DLG2: variants seen among roughly 807,000 people sequenced by gnomAD.
The protein encoded by DLG2 is disks large homolog 2.
DLG2 carries 45 observed loss-of-function variants against 132.5 expected under a neutral mutation model. That is an observed-to-expected ratio of 0.34 (90% CI 0.27 to 0.44). The LOEUF (loss-of-function observed/expected upper bound fraction) is 0.44. DLG2 is among the 20% of genes least tolerant of loss of function. DLG2 has a pLI of 1.00. For missense variants in DLG2, 1,045 were observed against 1,196.9 expected, an observed-to-expected ratio of 0.87 and a Z score of 1.87; for synonymous variants, 424 against 419.6, an observed-to-expected ratio of 1.01 and a Z score of -0.13.
At chr11:85,157,300 C>A (rs925451154) in intron 4 of DLG2, among the ~76,000 whole-genome samples, 1 of 151,996 alleles carries the variant, frequency 6.6e-6, no homozygotes, top group Non-Finnish European at 1.5e-5. Context: ...TCTAGAGGGA[C>A]AGAATATTAA....
intron 3 of DLG2, among the ~76,000 whole-genome samples, chr11:85,326,273 G>T (rs1321929663): frequency 3.5e-5 from 5 of 143,576 alleles, no homozygotes; most frequent in Non-Finnish European, 6.0e-5. Flanking sequence ...TACAGAGAAC[G>T]CCACAAAGAT....
intron 10 of DLG2, among the ~76,000 whole-genome samples, chr11:84,078,440 G>A (rs2096857585): frequency 6.6e-6 from 1 of 152,134 alleles, no homozygotes; most frequent in Non-Finnish European, 1.5e-5. Context: ...TAGAGTCACC[G>A]ACTTTCTCAT....
intron 7 of DLG2, among the ~76,000 whole-genome samples, chr11:84,363,292 G>A (rs2098661813): frequency 6.6e-6 from 1 of 151,650 alleles, no homozygotes. Context: ...GTGTTTTTTG[G>A]CTGCATAAAT....
intron 3 of DLG2, among the ~76,000 whole-genome samples, chr11:85,576,571 T>C (rs1223733634): frequency 6.6e-6 from 1 of 152,148 alleles, no homozygotes; most frequent in Non-Finnish European, 1.5e-5. Context: ...ACAAAGCAAC[T>C]GTTAACGTAC....
intron 9 of DLG2, among the ~76,000 whole-genome samples, chr11:84,143,168 C>T (rs1005775435): frequency 1.7e-5 from 2 of 114,542 alleles, no homozygotes; most frequent in African/African-American, 5.3e-5. Context: ...AAATATGATG[C>T]TCATTTTTTA....
intron 6 of DLG2, among the ~76,000 whole-genome samples, chr11:84,841,063 C>G (rs1286695820): frequency 6.7e-6 from 1 of 150,160 alleles, no homozygotes; most frequent in Admixed American, 6.6e-5. Flanking sequence ...TTTATTGCCA[C>G]ACTATGCAGC....
At chr11:83,991,814 C>T (rs2093730840) in intron 11 of DLG2, among the ~76,000 whole-genome samples, 1 of 152,128 alleles carries the variant, frequency 6.6e-6, no homozygotes, top group African/African-American at 2.4e-5. Flanking sequence ...GAAAGATGTG[C>T]TGAAGTTCTA....
chr11:84,822,117 A>T (rs1256950789), intron 6 of DLG2, among the ~76,000 whole-genome samples: 1 of 151,852 alleles, frequency 6.6e-6, no homozygotes, highest in Non-Finnish European at 1.5e-5. Flanking sequence ...GATACGGCCC[A>T]TAAGTGGCAA....
At chr11:84,903,654 C>T (rs1287074968) in intron 6 of DLG2, among the ~76,000 whole-genome samples, 1 of 152,108 alleles carries the variant, frequency 6.6e-6, no homozygotes, top group Non-Finnish European at 1.5e-5. Flanking sequence ...AAGCTAGAGT[C>T]AAGTTGCTGA....
intron 3 of DLG2, among the ~76,000 whole-genome samples, chr11:85,538,262 G>T (rs190388340): frequency 6.6e-6 from 1 of 151,934 alleles, no homozygotes; most frequent in African/African-American, 2.4e-5. Flanking sequence ...ACCTAGAAAC[G>T]TTACTGTAAC....
intron 7 of DLG2, among the ~76,000 whole-genome samples, chr11:84,376,640 AT>A (rs1402092877): frequency 1.3e-5 from 2 of 151,834 alleles, no homozygotes; most frequent in African/African-American, 2.4e-5. Context: ...TTTATTTTTG[AT>A]TTATAATCCT....
intron 7 of DLG2, among the ~76,000 whole-genome samples, chr11:84,514,655 A>C (rs1291540204): frequency 6.6e-6 from 1 of 151,670 alleles, no homozygotes; most frequent in Non-Finnish European, 1.5e-5. Flanking sequence ...AGCCTGAGAA[A>C]GGTAGTTGGG....
rs553880702 is a variant in DLG2, at chr11:83,554,715, T to C, written c.1941-12857A>G. The stretch of plus-strand genomic sequence containing the variant: ...GGAGCTTGGAGCAGAAGATGTTCCA[T>C]TGGGCTGGACTGACTGGGCAATGGG... On this transcript the variant is annotated intron_variant, in intron 19 of 27. Coordinates refer to ENST00000376104, the MANE Select transcript of DLG2 (RefSeq NM_001142699.3). Among the ~76,000 whole-genome samples, 11 of 152,310 alleles carry C rather than the reference T, an allele frequency of 7.2e-5. 1 individual carries two copies. Among genetic ancestry groups the C allele is most frequent in the East Asian group, 1.9e-4 (1 of 5,184 alleles).
intron 19 of DLG2, among the ~76,000 whole-genome samples, chr11:83,627,703 A>G (rs1014895519): frequency 1.3e-5 from 2 of 152,186 alleles, no homozygotes; most frequent in African/African-American, 4.8e-5. Context: ...TAGCAGCATG[A>G]TTTATAATCC....
chr11:84,279,139 A>G (rs1008185629), intron 7 of DLG2, among the ~76,000 whole-genome samples: 1 of 152,224 alleles, frequency 6.6e-6, no homozygotes, highest in African/African-American at 2.4e-5. Context: ...AAACAACCCC[A>G]TCAAAAAGTG....
At chr11:84,975,218 T>C (rs1187338489) in intron 6 of DLG2, among the ~76,000 whole-genome samples, 1 of 152,210 alleles carries the variant, frequency 6.6e-6, no homozygotes, top group Non-Finnish European at 1.5e-5. Flanking sequence ...TTTCCCTTCT[T>C]CTTTACTAAG....
At chr11:85,372,727 G>A (rs2152919713) in intron 3 of DLG2, among the ~76,000 whole-genome samples, 1 of 152,344 alleles carries the variant, frequency 6.6e-6, no homozygotes, top group South Asian at 2.1e-4. Context: ...GGCCCTCTCT[G>A]CTTCATGGGT....
chr11:84,194,124 T>A (rs2096466687), intron 8 of DLG2, among the ~76,000 whole-genome samples: 1 of 152,164 alleles, frequency 6.6e-6, no homozygotes, highest in African/African-American at 2.4e-5. Flanking sequence ...GAATCAATCT[T>A]TCGATGATCA....
At chr11:84,202,676 C>G (rs374296454) in intron 8 of DLG2, among the ~76,000 whole-genome samples, 1 of 152,090 alleles carries the variant, frequency 6.6e-6, no homozygotes, top group African/African-American at 2.4e-5. Context: ...TCAAAGTGAA[C>G]AGACAACATA....
Sources: allele counts gnomAD v4.1 joint callset (sites outside exome capture counted in the v4.1 genomes callset), GRCh38; gene constraint gnomAD v4.1.1; transcripts MANE v1.5; gene names NCBI Gene and HGNC (gene_info 2026-07-23, HGNC 2026-07-21).